The following FLRT1 variants were observed in gnomAD, a reference collection of about 807,000 sequenced individuals.
The protein encoded by FLRT1 is fibronectin leucine rich transmembrane protein 1.
In FLRT1, 14 loss-of-function variants were observed where a neutral mutation model predicts 30.9. The observed-to-expected ratio is 0.45, with a 90% CI of 0.30 to 0.71. FLRT1 has a LOEUF of 0.71. Ranked by LOEUF, FLRT1 falls within the 30% of genes least tolerant of loss-of-function variation. The pLI is 0.08. For missense variants in FLRT1, 737 were observed against 949.2 expected, an observed-to-expected ratio of 0.78 and a Z score of 2.94; for synonymous variants, 368 against 430.4, an observed-to-expected ratio of 0.85 and a Z score of 1.80.
chr11:64,052,572 C>T (rs745360629), intron 1 of FLRT1, among the ~76,000 whole-genome samples: 3 of 152,172 alleles, frequency 2.0e-5, no homozygotes, highest in Admixed American at 6.5e-5. Flanking sequence ...ACTCCTCACC[C>T]GCTGCTCTTG....
At chr11:64,047,108 A>C (rs1590835094) in intron 1 of FLRT1, among the ~76,000 whole-genome samples, 1 of 151,202 alleles carries the variant, frequency 6.6e-6, no homozygotes, top group South Asian at 2.1e-4. Flanking sequence ...CTGGAAGGCC[A>C]CCCTCACTCC....
chr11:64,037,901 G>C (rs1943413079), intron 1 of FLRT1, among the ~76,000 whole-genome samples: 1 of 152,212 alleles, frequency 6.6e-6, no homozygotes, highest in Non-Finnish European at 1.5e-5. Flanking sequence ...TCCTGAGCCT[G>C]AGCCAGGGTG....
At chr11:64,041,950 G>C (rs1450696730) in intron 1 of FLRT1, among the ~76,000 whole-genome samples, 2 of 152,218 alleles carry the variant, frequency 1.3e-5, no homozygotes, top group Non-Finnish European at 2.9e-5. Context: ...CCTAGCCTGG[G>C]CTGGGCTGCC....
intron 1 of FLRT1, chr11:64,081,828 C>T (rs1944309441): frequency 6.6e-6 from 1 of 152,180 alleles, no homozygotes; most frequent in South Asian, 2.1e-4. Flanking sequence ...GGTCCGTTCT[C>T]CCCAATTCAC....
intron 1 of FLRT1, among the ~76,000 whole-genome samples, chr11:64,093,805 A>C (rs1412190436): frequency 6.6e-6 from 1 of 152,208 alleles, no homozygotes; most frequent in East Asian, 1.9e-4. Flanking sequence ...CCAGGGTGGA[A>C]GGAGGGAGGA....
intron 1 of FLRT1, among the ~76,000 whole-genome samples, chr11:64,086,434 C>T (rs1240294598): frequency 6.6e-6 from 1 of 152,080 alleles, no homozygotes. Flanking sequence ...GCTTTCTACT[C>T]TCCAGTCCAA....
rs528005864 is a variant in FLRT1 at position 64,066,284 on chromosome 11, G to A, written c.-1038+30125G>A. Among the ~76,000 whole-genome samples, 21 of 125,446 alleles carry A rather than the reference G, an allele frequency of 1.7e-4. No individual in the cohort carries two copies. In the East Asian group the frequency reaches 3.8e-3, roughly 22 times the overall value. The allele number at this position is 125,446 out of a possible 152,430, so 82.3% of individuals were successfully genotyped here. ...TGCACCCCAGCCTCGGTGACAGAGC[G>A]AGACTGTCTCAAAAAAAAAAAAAAA... On this transcript the variant is annotated intron_variant, in intron 1 of 2. Transcript: ENST00000682287.
In FLRT1 at chr11:64,067,309, C is replaced by G. The variant is rs982861274; in HGVS notation, c.-1038+31150C>G. The stretch of plus-strand genomic sequence containing the variant: ...TTAACACGACATGGCCTCCTCCCCA[C>G]TGCTCAGCCTCTCCCGGAGGATGGT... On this transcript the variant is annotated intron_variant, in intron 1 of 2. Coordinates refer to ENST00000682287, the MANE Select transcript of FLRT1 (RefSeq NM_013280.5). This position sits in a 1 kb window ranked among gnomAD's most constrained non-coding sequence, Gnocchi z 4.6. Among the ~76,000 whole-genome samples, 10 of 152,166 alleles carry G rather than the reference C, an allele frequency of 6.6e-5. No individual in the cohort carries two copies. Among genetic ancestry groups the G allele is most frequent in the Non-Finnish European group, 1.3e-4 (9 of 68,010 alleles).
At chr11:64,115,167 G>A (rs1944954548) in intron 2 of FLRT1, among the ~76,000 whole-genome samples, 1 of 152,184 alleles carries the variant, frequency 6.6e-6, no homozygotes, top group Non-Finnish European at 1.5e-5. Context: ...CTGGCTGCAT[G>A]AAGACACCTT....
At chr11:64,072,569 C>T (rs545624510) in intron 1 of FLRT1, among the ~76,000 whole-genome samples, 2 of 152,362 alleles carry the variant, frequency 1.3e-5, no homozygotes, top group South Asian at 4.1e-4. Context: ...TGCATCCTGA[C>T]GTGTGGCCTT....
chr11:64,053,212 G>C (rs1181122403), intron 1 of FLRT1, among the ~76,000 whole-genome samples: 2 of 152,172 alleles, frequency 1.3e-5, no homozygotes, highest in South Asian at 2.1e-4. Context: ...GGAGCAGGGT[G>C]GGGTGAGGCT....
intron 2 of FLRT1, among the ~76,000 whole-genome samples, chr11:64,114,359 G>A (rs1944930715): frequency 6.6e-6 from 1 of 151,344 alleles, no homozygotes; most frequent in African/African-American, 2.4e-5. Context: ...ATGGATGGAT[G>A]GACAGGTGCA....
intron 1 of FLRT1, among the ~76,000 whole-genome samples, chr11:64,065,288 G>A (rs1156527378): frequency 6.6e-6 from 1 of 152,206 alleles, no homozygotes; most frequent in Non-Finnish European, 1.5e-5. Context: ...CGGGCAGGTG[G>A]CGGGCAAGCG....
chr11:64,069,710 C>T (rs117778229), intron 1 of FLRT1, among the ~76,000 whole-genome samples: 2 of 152,294 alleles, frequency 1.3e-5, no homozygotes, highest in Non-Finnish European at 2.9e-5. Context: ...GGTGGTGGGG[C>T]TGGTGACACC....
intron 1 of FLRT1, among the ~76,000 whole-genome samples, chr11:64,042,473 T>C (rs1590828561): frequency 2.0e-5 from 3 of 152,208 alleles, no homozygotes; most frequent in East Asian, 1.9e-4. Context: ...CCTGCTCCAA[T>C]AGAGGAGGCC....
chr11:64,062,010 T>C (rs1192184370), intron 1 of FLRT1, among the ~76,000 whole-genome samples: 1 of 148,320 alleles, frequency 6.7e-6, no homozygotes, highest in African/African-American at 2.5e-5. Flanking sequence ...TTAGTTACTT[T>C]CCCAAACAAA....
rs771760157 is a variant in FLRT1 at position 64,116,944 on chromosome 11, G to A, written c.677G>A (p.Arg226His). 4.5e-5 allele frequency: 73 copies of A among 1,611,270 alleles called. No homozygotes were observed. Among genetic ancestry groups the A allele is most frequent in the Non-Finnish European group, 5.1e-5 (60 of 1,179,994 alleles). ...TTCAAGGGCCTCAACAGCCTGCGGC[G>A]CCTGGTGCTGGACGGTAACCTGCTG... is the stretch of plus-strand genomic sequence containing the variant. ...HAFKGLNSLR[R>H]LVLDGNLLAN... Residue 226 changes from arginine (R) to histidine (H), a missense_variant, in exon 3 of 3, where the codon CGC (arginine) becomes CAC (histidine). Arg to His is a conservative substitution (Grantham distance 29, BLOSUM62 0). Coordinates refer to ENST00000682287, the MANE Select transcript of FLRT1 (RefSeq NM_013280.5).
chr11:64,112,673 G>A (rs960503122), intron 2 of FLRT1, among the ~76,000 whole-genome samples: 3 of 152,204 alleles, frequency 2.0e-5, no homozygotes, highest in African/African-American at 7.2e-5. Flanking sequence ...AGATGCAGGC[G>A]TGGATCTGGG....
At position 64,103,233 on chromosome 11, in the gene FLRT1, T is replaced by C. The variant is rs1038697342; in HGVS notation, c.-998T>C. On this transcript the variant is annotated 5_prime_UTR_variant, in exon 2 of 3. Coordinates refer to ENST00000682287, the MANE Select transcript of FLRT1 (RefSeq NM_013280.5). ...AGTGGGCGAGAAGATGGATTCCTTT[T>C]TGGACAGACAAGACCAGAGAGTGAA... is the stretch of plus-strand genomic sequence containing the variant. 1 of 152,332 alleles carries C rather than the reference T, an allele frequency of 6.6e-6. No homozygotes were observed. Among genetic ancestry groups the C allele is most frequent in the African/African-American group, 2.4e-5 (1 of 41,418 alleles). The allele number at this position is 152,332 out of a possible 1,614,324, so 9.4% of individuals were successfully genotyped here. A position where few individuals can be genotyped will look rare whatever the true frequency, so the allele number is the denominator to read the frequency against.
Sources: allele counts gnomAD v4.1 joint callset (sites outside exome capture counted in the v4.1 genomes callset), GRCh38; gene constraint gnomAD v4.1.1; non-coding constraint Gnocchi (gnomAD v3.1); transcripts MANE v1.5; gene names NCBI Gene and HGNC (gene_info 2026-07-23, HGNC 2026-07-21).